Variants in NKAIN3 observed in about 807,000 individuals in gnomAD.
NKAIN3 encodes the protein sodium/potassium-transporting ATPase subunit beta-1-interacting protein 3.
Under a neutral mutation model 30.2 loss-of-function variants are expected in NKAIN3, and 25 were observed. The ratio of observed to expected loss-of-function variants is 0.83; its 90% CI spans 0.60 to 1.16. The LOEUF (loss-of-function observed/expected upper bound fraction) is 1.16, where lower values mean the gene tolerates loss of function less well. Among genes scored for constraint, NKAIN3 ranks in the 50% most tolerant of loss-of-function variants. The pLI is 0.00. For missense variants in NKAIN3, 225 were observed against 254.1 expected (o/e 0.89, Z 0.78); for synonymous variants, 91 against 89.6 (o/e 1.02, Z -0.09).
chr8:62,970,379 AG>A lies in NKAIN3; in HGVS notation c.*4973del, dbSNP rs1474760233. ...CTTAGTTTCTTATTGAAGACTAAAA[AG>A]AAAAATGCCACTTCTTGAAGGTGGA... On this transcript the variant is annotated 3_prime_UTR_variant, in exon 7 of 7. Transcript: ENST00000623646. Among the ~76,000 whole-genome samples, 1 of 152,226 alleles carries A rather than the reference AG, an allele frequency of 6.6e-6. No homozygotes were observed. The highest frequency in any genetic ancestry group is 1.9e-4 in the East Asian group (1 of 5,194).
intron 4 of NKAIN3, among the ~76,000 whole-genome samples, chr8:62,796,782 T>TCACACACACA (rs1384802783): frequency 1.3e-4 from 4 of 30,336 alleles, no homozygotes; most frequent in Non-Finnish European, 2.6e-4. Flanking sequence ...AGTTTTTGTA[T>TCACACACACA]CACACATACA....
At chr8:62,919,642 G>A (rs16929841) in intron 5 of NKAIN3, among the ~76,000 whole-genome samples, 6,425 of 152,226 alleles carry the variant, frequency 0.042, 396 homozygotes, top group African/African-American at 0.13. Context: ...ACCAGAGATT[G>A]CATTGCAGTC....
chr8:62,945,631 G>C (rs1823102696), intron 5 of NKAIN3, among the ~76,000 whole-genome samples: 1 of 152,168 alleles, frequency 6.6e-6, no homozygotes, highest in Non-Finnish European at 1.5e-5. Flanking sequence ...TTTTGGAATT[G>C]AGTCTCTTGA....
At chr8:62,932,263 C>T (rs753347047) in intron 5 of NKAIN3, among the ~76,000 whole-genome samples, 3 of 152,164 alleles carry the variant, frequency 2.0e-5, no homozygotes, top group Non-Finnish European at 4.4e-5. Context: ...GTGAGTTAGG[C>T]CATGCCACAA....
intron 3 of NKAIN3, among the ~76,000 whole-genome samples, chr8:62,692,975 C>G (rs1321333971): frequency 6.6e-6 from 1 of 152,178 alleles, no homozygotes; most frequent in Admixed American, 6.5e-5. Context: ...CCTGTGTATT[C>G]TCCTAGTTAA....
chr8:62,612,104 A>C (rs562183490), intron 3 of NKAIN3, among the ~76,000 whole-genome samples: 1 of 152,020 alleles, frequency 6.6e-6, no homozygotes, highest in South Asian at 2.1e-4. Context: ...AGTAATGTCT[A>C]TTCAAATATT....
At chr8:62,847,930 T>C (rs1410407668) in intron 4 of NKAIN3, among the ~76,000 whole-genome samples, 2 of 152,198 alleles carry the variant, frequency 1.3e-5, no homozygotes, top group African/African-American at 2.4e-5. Flanking sequence ...ATTTATCATA[T>C]AGGGAATCTT....
intron 4 of NKAIN3, among the ~76,000 whole-genome samples, chr8:62,814,678 A>G (rs907034209): frequency 7.2e-5 from 11 of 152,136 alleles, no homozygotes; most frequent in African/African-American, 2.7e-4. Context: ...GTTCTTTGAA[A>G]CCAACGAGAA....
chr8:62,315,045 G>A (rs1814568359), intron 1 of NKAIN3, among the ~76,000 whole-genome samples: 1 of 152,178 alleles, frequency 6.6e-6, no homozygotes, highest in Non-Finnish European at 1.5e-5. Context: ...GGTATAAATA[G>A]ATTGCAAAGG....
At chr8:62,677,201 G>T (rs563742450) in intron 3 of NKAIN3, among the ~76,000 whole-genome samples, 1 of 152,154 alleles carries the variant, frequency 6.6e-6, no homozygotes, top group Non-Finnish European at 1.5e-5. Flanking sequence ...AGGTAGGGAC[G>T]CAGGGTTAGC....
intron 1 of NKAIN3, among the ~76,000 whole-genome samples, chr8:62,562,179 C>A (rs543492998): frequency 1.4e-4 from 21 of 152,192 alleles, no homozygotes; most frequent in African/African-American, 4.6e-4. Context: ...CTTTAAAAAC[C>A]TTGAAAATTA....
intron 5 of NKAIN3, among the ~76,000 whole-genome samples, chr8:62,922,316 T>A (rs957700229): frequency 6.6e-6 from 1 of 152,136 alleles, no homozygotes; most frequent in Non-Finnish European, 1.5e-5. Flanking sequence ...GAAAATGAGG[T>A]GATATTTCCA....
chr8:62,765,267 G>C (rs11373494), intron 4 of NKAIN3, among the ~76,000 whole-genome samples: 1 of 120,274 alleles, frequency 8.3e-6, no homozygotes, highest in Non-Finnish European at 1.7e-5. Context: ...AAAAAAAAAA[G>C]AAAAGAAAAG....
chr8:62,855,349 C>T (rs1820030926), intron 4 of NKAIN3: 1 of 658,882 alleles, frequency 1.5e-6, no homozygotes, highest in South Asian at 1.7e-5. Context: ...GCTCCTGCTT[C>T]TTCAGCCCAT....
intron 3 of NKAIN3, among the ~76,000 whole-genome samples, chr8:62,640,614 C>A (rs1171495711): frequency 6.6e-6 from 1 of 152,014 alleles, no homozygotes; most frequent in African/African-American, 2.4e-5. Context: ...TGTTTCTAGC[C>A]CTTCTTTCCT....
chr8:62,397,660 A>G (rs1817806290), intron 1 of NKAIN3, among the ~76,000 whole-genome samples: 1 of 152,154 alleles, frequency 6.6e-6, no homozygotes, highest in Non-Finnish European at 1.5e-5. Flanking sequence ...TAAATTTTAC[A>G]TAAGGCTAAC....
At chr8:62,800,697 C>T (rs567894546) in intron 4 of NKAIN3, among the ~76,000 whole-genome samples, 59 of 152,244 alleles carry the variant, frequency 3.9e-4, no homozygotes, top group Middle Eastern at 3.4e-3. Context: ...ACGCAGAAGA[C>T]GGGTGATTTC....
intron 1 of NKAIN3, among the ~76,000 whole-genome samples, chr8:62,434,683 C>G (rs1199074437): frequency 6.6e-6 from 1 of 152,140 alleles, no homozygotes; most frequent in Non-Finnish European, 1.5e-5. Flanking sequence ...GGAGATGCCA[C>G]TGTATTAATG....
At chr8:62,358,362 G>A (rs761487884) in intron 1 of NKAIN3, among the ~76,000 whole-genome samples, 28 of 150,906 alleles carry the variant, frequency 1.9e-4, no homozygotes, top group Non-Finnish European at 2.8e-4. Context: ...GGGCAGGTCA[G>A]TTGCTCATCA....
Sources: gnomAD v4.1 joint callset for allele counts (sites outside exome capture counted in the v4.1 genomes callset) on GRCh38, gnomAD v4.1.1 for gene constraint, MANE v1.5 for transcripts, NCBI Gene and HGNC (gene_info 2026-07-23, HGNC 2026-07-21) for gene names.